USP24: variants seen among roughly 807,000 people sequenced by gnomAD.
USP24 encodes ubiquitin specific peptidase 24, also known as ubiquitin carboxyl-terminal hydrolase 24.
Under a neutral mutation model 361.6 loss-of-function variants are expected in USP24, and 97 were observed. The ratio of observed to expected loss-of-function variants is 0.27; its 90% CI spans 0.23 to 0.32. The LOEUF (loss-of-function observed/expected upper bound fraction) is 0.32. Among genes scored for constraint, USP24 ranks in the 10% least tolerant of loss-of-function variants. The pLI, the probability that USP24 is intolerant of heterozygous loss-of-function variation, is 1.00. For missense variants in USP24, 2,353 were observed against 3,165.6 expected (o/e 0.74, Z 6.16); for synonymous variants, 1,098 against 1,124.6 (o/e 0.98, Z 0.47).
At chr1:55,149,107 T>C (rs1302404916) in intron 16 of USP24, among the ~76,000 whole-genome samples, 1 of 152,222 alleles carries the variant, frequency 6.6e-6, no homozygotes, top group Admixed American at 6.5e-5. Context: ...GGTAATTCTA[T>C]TTTTATTATT....
chr1:55,109,727 G>A (rs917577335), intron 39 of USP24, among the ~76,000 whole-genome samples: 5 of 152,126 alleles, frequency 3.3e-5, no homozygotes, highest in African/African-American at 1.2e-4. Flanking sequence ...TTATTTAAGG[G>A]TAAGTACAGA....
At chr1:55,128,442 T>C (rs750307978) in intron 32 of USP24, among the ~76,000 whole-genome samples, 7 of 152,168 alleles carry the variant, frequency 4.6e-5, no homozygotes, top group Non-Finnish European at 8.8e-5. Flanking sequence ...CATCCTTTGC[T>C]TGAACACCAG....
At chr1:55,093,864 C>A in intron 52 of USP24, 73 bp downstream of exon 52, 1 of 1,582,108 alleles carries the variant, frequency 6.3e-7, no homozygotes, top group Non-Finnish European at 8.6e-7. Context: ...AGCAGAAGTA[C>A]TTCTGGACCT....
chr1:55,147,615 G>C, intron 18 of USP24, 34 bp downstream of exon 18: 1 of 1,552,260 alleles, frequency 6.4e-7, no homozygotes, highest in South Asian at 1.2e-5. Context: ...AATTAATGTT[G>C]TAAATCATGA....
intron 7 of USP24, among the ~76,000 whole-genome samples, chr1:55,162,554 ATT>A (rs1270090145): frequency 2.0e-5 from 3 of 152,270 alleles, no homozygotes; most frequent in African/African-American, 7.2e-5. Context: ...AATACTATAC[ATT>A]TTTTTAAAAA....
chr1:55,175,565 G>A (rs1649900537), intron 3 of USP24, among the ~76,000 whole-genome samples: 1 of 152,104 alleles, frequency 6.6e-6, no homozygotes, highest in African/African-American at 2.4e-5. Flanking sequence ...TTACCCATCT[G>A]TAGTTCTAGT....
chr1:55,151,402 G>A (rs751506906), intron 16 of USP24, among the ~76,000 whole-genome samples: 3 of 152,154 alleles, frequency 2.0e-5, no homozygotes, highest in Non-Finnish European at 4.4e-5. Context: ...TTTCTGTTAC[G>A]TGTTTTGGTA....
intron 1 of USP24, among the ~76,000 whole-genome samples, chr1:55,182,539 T>C (rs1173636449): frequency 6.6e-6 from 1 of 151,938 alleles, no homozygotes; most frequent in African/African-American, 2.4e-5. Context: ...TCAAACAACA[T>C]ATGAAATCGT....
chr1:55,073,011 C>A (rs1644951783), intron 64 of USP24, 150 bp from the exon 65 acceptor site: 2 of 710,586 alleles, frequency 2.8e-6, no homozygotes, highest in East Asian at 2.9e-5. Flanking sequence ...TAGTCAAATT[C>A]ATGGAGACAG....
intron 38 of USP24, among the ~76,000 whole-genome samples, chr1:55,117,513 G>C (rs1046110779): frequency 1.3e-5 from 2 of 151,968 alleles, no homozygotes; most frequent in Non-Finnish European, 2.9e-5. Flanking sequence ...TGGATCATGA[G>C]GTCAGGAGAT....
At position 55,137,588 on chromosome 1, in the gene USP24, C is replaced by T. The variant is rs759126810; in HGVS notation, c.3128G>A (p.Ser1043Asn). 6.2e-7 allele frequency: 1 copy of T among 1,613,394 alleles called. No homozygotes were observed. Among genetic ancestry groups the T allele is most frequent in the Non-Finnish European group, 8.5e-7 (1 of 1,179,642 alleles). The stretch of plus-strand genomic sequence containing the variant: ...GGAGCTGGTTGAAGAATCTGCTGAA[C>T]TCCCAGATGGGGTCCCACTGCCAGA... ...KTSGSGTPSG[S>N]SADSSTSSSS... The change falls in exon 28 of 68, where the codon AGT (serine) becomes AAT (asparagine). Residue 1043 changes from serine to asparagine, a missense_variant. By Grantham distance (46) the Ser-to-Asn change is conservative (BLOSUM62 1). Coordinates refer to ENST00000294383, the MANE Select transcript of USP24 (RefSeq NM_015306.3).
intron 16 of USP24, among the ~76,000 whole-genome samples, chr1:55,152,212 G>A (rs950962592): frequency 6.6e-5 from 10 of 151,976 alleles, no homozygotes; most frequent in Admixed American, 1.3e-4. Flanking sequence ...GGGAGCAGTG[G>A]GGAAATAAAA....
At chr1:55,181,050 T>G (rs973286129) in intron 1 of USP24, among the ~76,000 whole-genome samples, 5 of 147,994 alleles carry the variant, frequency 3.4e-5, no homozygotes. Flanking sequence ...CACTAGTTTG[T>G]ATTTTTTTTT....
intron 7 of USP24, among the ~76,000 whole-genome samples, chr1:55,165,162 G>A (rs1648698960): frequency 6.6e-6 from 1 of 152,088 alleles, no homozygotes; most frequent in Non-Finnish European, 1.5e-5. Context: ...GCAACTGTAA[G>A]CACAATCTGT....
chr1:55,132,156 T>C (rs935353691), intron 31 of USP24, among the ~76,000 whole-genome samples: 1 of 152,200 alleles, frequency 6.6e-6, no homozygotes, highest in East Asian at 1.9e-4. Context: ...TGTATTCCCC[T>C]AAAATTCCTA....
At chr1:55,140,565 C>T (rs777129695) in intron 24 of USP24, among the ~76,000 whole-genome samples, 9 of 152,142 alleles carry the variant, frequency 5.9e-5, no homozygotes, top group Non-Finnish European at 1.0e-4. Context: ...TGACACAATA[C>T]TCAACTCATT....
intron 7 of USP24, among the ~76,000 whole-genome samples, chr1:55,164,516 G>A (rs185505159): frequency 3.3e-5 from 5 of 152,092 alleles, no homozygotes; most frequent in African/African-American, 9.6e-5. Flanking sequence ...AATTCAGCAC[G>A]TGTGAATTCT....
In USP24 at chr1:55,097,147, G is replaced by T; in HGVS notation, c.5741C>A (p.Pro1914His). 1 of 1,613,952 alleles carries T rather than the reference G, an allele frequency of 6.2e-7. No homozygotes were observed. The highest frequency in any genetic ancestry group is 8.5e-7 in the Non-Finnish European group (1 of 1,179,878). ...GCGAGCCATTCCTGAAACTGTGTAA[G>T]GCTCCATGTTTAGCATCCAGGGAAA... Reference protein sequence around the residue: ...IRFPWMLNMEPYTVSGMARQD... With the variant: ...IRFPWMLNMEHYTVSGMARQD... Residue 1914 changes from proline (P) to histidine (H), a missense_variant, in exon 49 of 68, where the codon CCT (proline) becomes CAT (histidine). By Grantham distance (77) the Pro-to-His change is moderately conservative. Transcript: ENST00000294383.
In USP24 at chr1:55,079,802, A is replaced by ACAGAGTACTCACACAGAGTACT. The variant is rs1557531511; in HGVS notation, c.7079-144_7079-143insAGTACTCTGTGTGAGTACTCTG. 38 of 807,416 alleles carry ACAGAGTACTCACACAGAGTACT rather than the reference A, an allele frequency of 4.7e-5. No homozygotes were observed. In the Admixed American group the frequency reaches 1.3e-3, roughly 28 times the overall value. The allele number at this position is 807,416 out of a possible 1,614,324, so 50.0% of individuals were successfully genotyped here. ...CAGAGTACTCACACACTGAGTACTCACACACTGAGTACTCGCAGAGTACTT... is the reference window on the plus strand; with the variant it reads ...CAGAGTACTCACACACTGAGTACTCACAGAGTACTCACACAGAGTACTCACACTGAGTACTCGCAGAGTACTT... On this transcript the variant is annotated intron_variant, in intron 59 of 67. Coordinates refer to ENST00000294383, the MANE Select transcript of USP24 (RefSeq NM_015306.3).
Sources: gnomAD v4.1 joint callset for allele counts (sites outside exome capture counted in the v4.1 genomes callset) on GRCh38, gnomAD v4.1.1 for gene constraint, MANE v1.5 for transcripts, NCBI Gene and HGNC (gene_info 2026-07-23, HGNC 2026-07-21) for gene names.